Variants in GANAB observed in about 807,000 individuals in gnomAD.
GANAB encodes the protein glucosidase II alpha subunit.
A neutral mutation model predicts 129.9 loss-of-function variants in GANAB; 35 were observed. The ratio of observed to expected loss-of-function variants is 0.27; its 90% CI spans 0.21 to 0.36. GANAB has a LOEUF of 0.36. GANAB is among the 10% of genes least tolerant of loss of function. GANAB has a pLI of 1.00. For missense variants in GANAB, 939 were observed against 1,221.0 expected (o/e 0.77, Z 3.44); for synonymous variants, 482 against 451.8 (o/e 1.07, Z -0.85).
chr11:62,630,467 G>A lies in GANAB; in HGVS notation c.1425C>T (p.Ser475=), dbSNP rs755910207. 1.7e-5 allele frequency: 27 copies of A among 1,613,932 alleles called. No homozygotes were observed. The highest frequency in any genetic ancestry group is 1.2e-4 in the Admixed American group (7 of 60,012). ...GCAGCTCCTCGTGAACTCGGTAGCC[G>A]GAGTCCACCTTGATGTGGGGGTCTA... ...AIVDPHIKVD[S]GYRVHEELRN... The change falls in exon 12 of 24, where the codon TCC becomes TCT. Residue 475 remains serine (S), a synonymous_variant. Transcript: ENST00000356638.
Position 62,630,728 on chromosome 11 carries a change from T to A in GANAB, c.1259A>T (p.Asn420Ile). 1 of 1,613,804 alleles carries A rather than the reference T, an allele frequency of 6.2e-7. No homozygotes were observed. ...LEVDQGFDDH[N>I]LPCDVIWLDI... ...TAGCCAGATGACATCACAGGGCAGG[T>A]TGTGATCATCAAAGCCCTGATCCAC... Residue 420 changes from asparagine to isoleucine, a missense_variant, in exon 11 of 24, where the codon AAC becomes ATC. By Grantham distance (149) the Asn-to-Ile change is moderately radical. Around this residue, in one of 5 missense-constraint regions of GANAB, gnomAD observed 220 missense variants for 295.9 expected, o/e 0.74. Coordinates refer to ENST00000356638, the MANE Select transcript of GANAB (RefSeq NM_198334.3).
intron 13 of GANAB, 105 bp downstream of exon 13, chr11:62,630,092 G>C: frequency 1.5e-6 from 2 of 1,290,740 alleles, no homozygotes; most frequent in South Asian, 1.2e-5. Context: ...AAGGCCCCCT[G>C]ATATGTTGCA....
Position 62,640,235 on chromosome 11 carries a change from A to AAAAAAAAAAAAAAAAAC in GANAB, c.39-505_39-504insGTTTTTTTTTTTTTTTT, listed in dbSNP as rs1944174787. 3.8e-5 allele frequency among the ~76,000 whole-genome samples: 2 copies of AAAAAAAAAAAAAAAAAC among 52,016 alleles called. 1 individual carries two copies. The highest frequency in any genetic ancestry group is 1.1e-4 in the Non-Finnish European group (2 of 18,542). The allele number at this position is 52,016 out of a possible 152,430, so 34.1% of individuals were successfully genotyped here. ...CTGGGCGACAGAGCTAGACAAAAAA[A>AAAAAAAAAAAAAAAAAC]AAAAAAAAAAAAAAAAAGCCAGGCG... On this transcript the variant is annotated intron_variant, in intron 1 of 23. Coordinates refer to ENST00000356638, the MANE Select transcript of GANAB (RefSeq NM_198334.3).
intron 1 of GANAB, among the ~76,000 whole-genome samples, chr11:62,643,916 C>G (rs1000918508): frequency 6.6e-6 from 1 of 152,244 alleles, no homozygotes; most frequent in Non-Finnish European, 1.5e-5. Flanking sequence ...CAGGCGTGAG[C>G]CACTGCACCC....
At chr11:62,640,653 G>A (rs958099942) in intron 1 of GANAB, among the ~76,000 whole-genome samples, 3 of 151,478 alleles carry the variant, frequency 2.0e-5, no homozygotes, top group Non-Finnish European at 4.4e-5. Context: ...CTAACACGGT[G>A]AAACTCTGTC....
chr11:62,634,192 A>AG, intron 5 of GANAB: 1 of 717,104 alleles, frequency 1.4e-6, no homozygotes, highest in Non-Finnish European at 2.5e-6. Flanking sequence ...ATCACACAGC[A>AG]GGGGAAAGTG....
intron 1 of GANAB, among the ~76,000 whole-genome samples, chr11:62,642,601 A>AT (rs1944317063): frequency 6.6e-6 from 1 of 151,734 alleles, no homozygotes; most frequent in Non-Finnish European, 1.5e-5. Flanking sequence ...TGCCCAGCTA[A>AT]TTTTTTGTAT....
intron 1 of GANAB, among the ~76,000 whole-genome samples, chr11:62,644,040 G>T (rs1367478005): frequency 6.6e-6 from 1 of 152,166 alleles, no homozygotes; most frequent in Non-Finnish European, 1.5e-5. Flanking sequence ...TGCCTCGCGG[G>T]TTCAAGCAAT....
At position 62,632,883 on chromosome 11, in the gene GANAB, T is replaced by G; in HGVS notation, c.815+122A>C. 9 of 973,928 alleles carry G rather than the reference T, an allele frequency of 9.2e-6. No homozygotes were observed. In the South Asian group the frequency reaches 1.2e-4, roughly 13 times the overall value. 60.3% of individuals were successfully genotyped at this position (973,928 alleles called of 1,614,324 possible). A position where few individuals can be genotyped will look rare whatever the true frequency, so the allele number is the denominator to read the frequency against. ...TCAAAAAATTTTCTATCACCAAAGG[T>G]GATTCTGGACACAAGAAATGACCCA... On this transcript the variant is annotated intron_variant, in intron 8 of 23. Transcript: ENST00000356638.
At chr11:62,636,758 A>G (rs1943960045) in intron 4 of GANAB, among the ~76,000 whole-genome samples, 1 of 151,794 alleles carries the variant, frequency 6.6e-6, no homozygotes, top group Non-Finnish European at 1.5e-5. Flanking sequence ...ATAGTGGTGC[A>G]CGCCTGTAGT....
rs1325422609 is a variant in GANAB at position 62,625,882 on chromosome 11, G to A, written c.2768C>T (p.Thr923Ile). 2 of 1,613,834 alleles carry A rather than the reference G, an allele frequency of 1.2e-6. No homozygotes were observed. Among genetic ancestry groups the A allele is most frequent in the South Asian group, 1.1e-5 (1 of 91,072 alleles). The change falls in exon 24 of 24, where the codon ACC (threonine) becomes ATC (isoleucine). Residue 923 changes from threonine (T) to isoleucine (I), a missense_variant. This residue lies in a region of GANAB where 230 missense variants were observed against 259.9 expected (regional missense o/e 0.89). Coordinates refer to ENST00000356638, the MANE Select transcript of GANAB (RefSeq NM_198334.3). ...SRLSFQHDPE[T>I]SVLVLRKPGI... ...AGGCTTGCGCAGGACCAACACAGAGGTCTCAGGGTCATGCTGGAAGGACAG... is the reference window on the plus strand; with the variant it reads ...AGGCTTGCGCAGGACCAACACAGAGATCTCAGGGTCATGCTGGAAGGACAG...
In GANAB at chr11:62,627,274, A is replaced by C; in HGVS notation, c.2245+15T>G. On this transcript the variant is annotated intron_variant, in intron 18 of 23. Transcript: ENST00000356638. ...GCCCAAAGCCAACCCACCACCAACT[A>C]TCCTCATTTCTCACCAAGCAAGTAC... 1 of 1,522,922 alleles carries C rather than the reference A, an allele frequency of 6.6e-7. No individual in the cohort carries two copies. Among genetic ancestry groups the C allele is most frequent in the Non-Finnish European group, 9.1e-7 (1 of 1,096,870 alleles). The allele number at this position is 1,522,922 out of a possible 1,614,324, so 94.3% of individuals were successfully genotyped here.
At position 62,639,767 on chromosome 11, in the gene GANAB, T is replaced by C. The variant is rs777264406; in HGVS notation, c.39-36A>G. 11 of 1,459,290 alleles carry C rather than the reference T, an allele frequency of 7.5e-6. No homozygotes were observed. The East Asian group carries it at 1.6e-4, about 21-fold the overall frequency. The allele number at this position is 1,459,290 out of a possible 1,614,324, so 90.4% of individuals were successfully genotyped here. ...AAGGACAAAGACAGAGCAATCAGCA[T>C]GGAGGTCAGAAGGGGCCCCCTTCAA... On this transcript the variant is annotated intron_variant, in intron 1 of 23. Coordinates refer to ENST00000356638, the MANE Select transcript of GANAB (RefSeq NM_198334.3).
chr11:62,626,953 G>C lies in GANAB; in HGVS notation c.2323-19C>G, dbSNP rs201217245. On this transcript the variant is annotated intron_variant, in intron 19 of 23. Transcript: ENST00000356638. ...ACCACACCTGTGAGTGACAAAAGAG[G>C]TAAGATACCGGATCACTCAGTGCAC... The C allele has an allele frequency of 6.3e-6, 10 of 1,599,696 alleles. No individual in the cohort carries two copies. Among genetic ancestry groups the C allele is most frequent in the Non-Finnish European group, 8.6e-6 (10 of 1,166,902 alleles).
In GANAB at chr11:62,628,893, G is replaced by A; in HGVS notation, c.2056C>T (p.Pro686Ser). ...TTGTGCTGAGATGGTAACAGCCATG[G>A]CTCTCGTCGCCCAGTGTCCAAGTGG... is the stretch of plus-strand genomic sequence containing the variant. ...HAHLDTGRRE[P>S]WLLPSQHNDI... Residue 686 changes from proline to serine, a missense_variant, in exon 17 of 24, where the codon CCA becomes TCA. Physicochemically the swap from Pro to Ser is moderately conservative, Grantham distance 74 (BLOSUM62 -1). Transcript: ENST00000356638. 1 of 1,614,152 alleles carries A rather than the reference G, an allele frequency of 6.2e-7. No individual in the cohort carries two copies. Among genetic ancestry groups the A allele is most frequent in the South Asian group, 1.1e-5 (1 of 91,084 alleles).
rs747350819 is a variant in GANAB at position 62,633,268 on chromosome 11, C to G, written c.634G>C (p.Glu212Gln). The change falls in exon 7 of 24, where the codon GAG becomes CAG. Residue 212 changes from glutamate (E) to glutamine (Q), a missense_variant. Around this residue, in one of 5 missense-constraint regions of GANAB, gnomAD observed 321 missense variants for 329.1 expected, o/e 0.98. Coordinates refer to ENST00000356638, the MANE Select transcript of GANAB (RefSeq NM_198334.3). The part of the protein sequence containing the change: ...EETPRDGDKP[E>Q]ETQGKAEKDE... ...TTCTCTGCCTTCCCCTGAGTCTCCTCTGGCTGTTAAGAAGAAAAGAGGACC... is the reference window on the plus strand; with the variant it reads ...TTCTCTGCCTTCCCCTGAGTCTCCTGTGGCTGTTAAGAAGAAAAGAGGACC... The G allele has an allele frequency of 2.5e-6, 4 of 1,613,140 alleles. No homozygotes were observed. The African/African-American group carries it at 5.3e-5, about 22-fold the overall frequency.
At chr11:62,639,328 C>T in intron 3 of GANAB, 31 bp downstream of exon 3, 2 of 1,443,738 alleles carry the variant, frequency 1.4e-6, no homozygotes, top group South Asian at 1.1e-5. Flanking sequence ...ATTGCCCCAC[C>T]CCCACCAGAC....
rs749724558 is a variant in GANAB, at chr11:62,625,942, G to T, written c.2726-18C>A. ...TGGAGATCCTGGAGGAGGAATAAAA[G>T]AGTGCCATAGTCATACCAATGGGCT... On this transcript the variant is annotated intron_variant, in intron 23 of 23. Transcript: ENST00000356638. 1 of 1,555,142 alleles carries T rather than the reference G, an allele frequency of 6.4e-7. No homozygotes were observed. Among genetic ancestry groups the T allele is most frequent in the Non-Finnish European group, 8.9e-7 (1 of 1,126,294 alleles).
At chr11:62,638,586 GGAAGGAAGGAAGGAAGGA>G (rs1944058375) in intron 4 of GANAB, among the ~76,000 whole-genome samples, 1 of 7,518 alleles carries the variant, frequency 1.3e-4, no homozygotes, top group African/African-American at 1.8e-3. Context: ...AAAGGAGGAA[GGAAGGAAGGAAGGAAGGA>G]AGGAAGGAAG....
Sources: allele counts gnomAD v4.1 joint callset (sites outside exome capture counted in the v4.1 genomes callset), GRCh38; gene constraint gnomAD v4.1.1; regional missense constraint gnomAD v4.1.1; transcripts MANE v1.5; gene names NCBI Gene and HGNC (gene_info 2026-07-23, HGNC 2026-07-21).